Variants in ATP2B2 observed in about 807,000 individuals in gnomAD.
The protein encoded by ATP2B2 is ATPase plasma membrane Ca2+ transporting 2, also known as plasma membrane calcium-transporting ATPase 2.
A neutral mutation model predicts 120.0 loss-of-function variants in ATP2B2; 15 were observed. The ratio of observed to expected loss-of-function variants is 0.12; its 90% confidence interval spans 0.08 to 0.19. The LOEUF is 0.19. Ranked by LOEUF, ATP2B2 falls within the 10% of genes least tolerant of loss-of-function variation. ATP2B2 has a pLI of 1.00. For synonymous variants in ATP2B2, 694 were observed against 700.3 expected, an observed-to-expected ratio of 0.99 and a Z score of 0.14; for missense variants, 1,045 against 1,719.8, an observed-to-expected ratio of 0.61 and a Z score of 6.94.
At chr3:10,608,100 C>A (rs1369047479) in intron 2 of ATP2B2, among the ~76,000 whole-genome samples, 1 of 152,260 alleles carries the variant, frequency 6.6e-6, no homozygotes, top group African/African-American at 2.4e-5. Flanking sequence ...GCAGAGCTGT[C>A]CCCTGCTGTC....
intron 22 of ATP2B2, among the ~76,000 whole-genome samples, chr3:10,331,658 GAAA>G (rs34992684): frequency 0.01 from 1,505 of 143,850 alleles, 36 homozygotes; most frequent in African/African-American, 0.037. Flanking sequence ...AAAACTATGG[GAAA>G]AAAAAAAAAG....
intron 2 of ATP2B2, among the ~76,000 whole-genome samples, chr3:10,601,173 A>C (rs2068906972): frequency 6.6e-6 from 1 of 152,126 alleles, no homozygotes; most frequent in African/African-American, 2.4e-5. Context: ...AAAGGGCAGG[A>C]GAGTGGCCAC....
At chr3:10,495,719 T>C (rs921605557) in intron 1 of ATP2B2, among the ~76,000 whole-genome samples, 1 of 152,228 alleles carries the variant, frequency 6.6e-6, no homozygotes, top group Non-Finnish European at 1.5e-5. Flanking sequence ...CTTAATTTTA[T>C]TGCTACTCCC....
chr3:10,435,821 T>C (rs1168128178), intron 2 of ATP2B2, among the ~76,000 whole-genome samples: 2 of 152,138 alleles, frequency 1.3e-5, no homozygotes, highest in African/African-American at 4.8e-5. Context: ...TTTAAAAGAC[T>C]CTGGGACTTC....
In ATP2B2 at chr3:10,346,122, G is replaced by A; in HGVS notation, c.2420C>T (p.Thr807Ile). ...CACCACCTGCCGCTGCTCAGTGTGT[G>A]TGCTGTCGATGATGCCTGTTGGGGC... ...HTLVKGIIDS[T>I]HTEQRQVVAV... Residue 807 changes from threonine (T) to isoleucine (I), a missense_variant, in exon 17 of 23, where the codon ACA becomes ATA. Physicochemically the swap from Thr to Ile is moderately conservative, Grantham distance 89. This residue lies in a region of ATP2B2 where 98 missense variants were observed against 266.7 expected (regional missense o/e 0.37). Transcript: ENST00000360273. The surrounding 1 kb of genome is among the most constrained non-coding windows in gnomAD (Gnocchi z 4.1). 3 of 1,611,290 alleles carry A rather than the reference G, an allele frequency of 1.9e-6. No homozygotes were observed. Among genetic ancestry groups the A allele is most frequent in the Non-Finnish European group, 2.5e-6 (3 of 1,179,956 alleles).
At chr3:10,695,582 GT>G (rs1374382869) in intron 1 of ATP2B2, among the ~76,000 whole-genome samples, 1 of 152,122 alleles carries the variant, frequency 6.6e-6, no homozygotes, top group Non-Finnish European at 1.5e-5. Context: ...ACTACATAGA[GT>G]AAAGGAGAGT....
chr3:10,667,482 T>G (rs908448951), intron 1 of ATP2B2, among the ~76,000 whole-genome samples: 14 of 152,196 alleles, frequency 9.2e-5, no homozygotes. Context: ...CTTCTGGGGT[T>G]TCCCGCACTC....
intron 1 of ATP2B2, among the ~76,000 whole-genome samples, chr3:10,684,162 T>C (rs551221667): frequency 5.3e-5 from 8 of 152,212 alleles, no homozygotes; most frequent in Middle Eastern, 3.4e-3. Flanking sequence ...TACTCAATGA[T>C]TGGTCTAAAG....
intron 2 of ATP2B2, among the ~76,000 whole-genome samples, chr3:10,417,446 G>A (rs770435413): frequency 9.2e-5 from 14 of 152,220 alleles, no homozygotes; most frequent in Non-Finnish European, 1.6e-4. Context: ...AGGAGGGAGG[G>A]AGCATGTTTA....
chr3:10,368,639 CCCAT>C (rs1283332412), intron 12 of ATP2B2, among the ~76,000 whole-genome samples: 3 of 151,788 alleles, frequency 2.0e-5, no homozygotes, highest in East Asian at 1.9e-4. Flanking sequence ...ATCACATCCA[CCCAT>C]CCATCCATCT....
At chr3:10,663,000 C>G (rs2070828656) in intron 1 of ATP2B2, among the ~76,000 whole-genome samples, 1 of 148,878 alleles carries the variant, frequency 6.7e-6, no homozygotes, top group African/African-American at 2.5e-5. Context: ...GGACGAAAAA[C>G]CAAACATTGC....
chr3:10,500,054 G>A (rs2125401593), intron 1 of ATP2B2, among the ~76,000 whole-genome samples: 1 of 150,380 alleles, frequency 6.6e-6, no homozygotes, highest in Non-Finnish European at 1.5e-5. Context: ...TCCTGTCTCA[G>A]CCTCCTGAGT....
chr3:10,607,465 G>A (rs150606869), intron 2 of ATP2B2, among the ~76,000 whole-genome samples: 1 of 152,322 alleles, frequency 6.6e-6, no homozygotes, highest in African/African-American at 2.4e-5. Flanking sequence ...AGGGGTCAGT[G>A]GTGAGCCAAG....
intron 2 of ATP2B2, among the ~76,000 whole-genome samples, chr3:10,580,733 T>C (rs2068370423): frequency 6.6e-6 from 1 of 152,226 alleles, no homozygotes; most frequent in Admixed American, 6.5e-5. Context: ...TGATCTTTTA[T>C]AGCATTTCAG....
At chr3:10,465,563 G>C (rs781636329) in intron 1 of ATP2B2, among the ~76,000 whole-genome samples, 7 of 152,250 alleles carry the variant, frequency 4.6e-5, no homozygotes, top group Admixed American at 6.5e-5. Flanking sequence ...ATCTAGGAGA[G>C]TTTAGGTTTT....
chr3:10,705,347 C>G (rs574255886), intron 1 of ATP2B2, among the ~76,000 whole-genome samples: 3 of 152,166 alleles, frequency 2.0e-5, no homozygotes, highest in South Asian at 4.1e-4. Context: ...CTAAATAGAT[C>G]GTATACCCCT....
Position 10,350,172 on chromosome 3 carries a change from A to G in ATP2B2, c.2344T>C (p.Trp782Arg). The change falls in exon 16 of 23, where the codon TGG (tryptophan) becomes CGG (arginine). Residue 782 changes from tryptophan to arginine, a missense_variant. Physicochemically the swap from Trp to Arg is moderately radical, Grantham distance 101. Coordinates refer to ENST00000360273, the MANE Select transcript of ATP2B2 (RefSeq NM_001001331.4). ...CGAGCCAGCACCCGCAGCTTTGGCC[A>G]GATCTTGTCAATTCGCTCCTGCTCA... ...EIEQERIDKI[W>R]PKLRVLARSS... is the part of the protein sequence containing the mutation. 6.8e-7 allele frequency: 1 copy of G among 1,474,706 alleles called. No homozygotes were observed. Among genetic ancestry groups the G allele is most frequent in the Non-Finnish European group, 9.2e-7 (1 of 1,091,506 alleles). The allele number at this position is 1,474,706 out of a possible 1,614,324, so 91.4% of individuals were successfully genotyped here.
intron 1 of ATP2B2, among the ~76,000 whole-genome samples, chr3:10,683,774 A>G (rs1464551968): frequency 0.031 from 2,733 of 86,822 alleles, 306 homozygotes; most frequent in African/African-American, 0.13. Flanking sequence ...ATATATATAT[A>G]TATATATATA....
At position 10,499,811 on chromosome 3, in the gene ATP2B2, C is replaced by A. The variant is rs558943115; in HGVS notation, c.-320+5654G>T. On this transcript the variant is annotated intron_variant, in intron 1 of 22. Transcript: ENST00000360273. ...CCCCATGGATTCCTAGCTGTGGGCC[C>A]TAAGGGGTCTCTGGGCATCCCCCAG... Among the ~76,000 whole-genome samples the A allele has an allele frequency of 6.6e-5, 10 of 152,232 alleles. No individual in the cohort carries two copies. In the South Asian group the frequency reaches 1.9e-3, roughly 28 times the overall value.
Sources: allele counts gnomAD v4.1 joint callset (sites outside exome capture counted in the v4.1 genomes callset), GRCh38; gene constraint gnomAD v4.1.1; regional missense constraint gnomAD v4.1.1; non-coding constraint Gnocchi (gnomAD v3.1); transcripts MANE v1.5; gene names NCBI Gene and HGNC (gene_info 2026-07-23, HGNC 2026-07-21).